ZYG11B: variants seen among roughly 807,000 people sequenced by gnomAD.
The protein encoded by ZYG11B is zyg-11 family member B, cell cycle regulator, also known as protein zyg-11 homolog B.
Under a neutral mutation model 82.4 loss-of-function variants are expected in ZYG11B, and 36 were observed. That is an observed-to-expected ratio of 0.44 (90% CI 0.33 to 0.58). The LOEUF is 0.58. ZYG11B is among the 20% of genes least tolerant of loss of function. The pLI, the probability that ZYG11B is intolerant of heterozygous loss-of-function variation, is 0.02. For missense variants in ZYG11B, 552 were observed against 895.6 expected (o/e 0.62, Z 4.90); for synonymous variants, 303 against 312.8 (o/e 0.97, Z 0.33).
intron 3 of ZYG11B, among the ~76,000 whole-genome samples, chr1:52,777,428 T>A (rs1484957734): frequency 6.6e-6 from 1 of 152,078 alleles, no homozygotes; most frequent in Non-Finnish European, 1.5e-5. Flanking sequence ...AGCTGCATAT[T>A]CCAATCTGAA....
At chr1:52,769,641 CTTGATT>C (rs1644728959) in intron 2 of ZYG11B, among the ~76,000 whole-genome samples, 3 of 152,152 alleles carry the variant, frequency 2.0e-5, no homozygotes, top group African/African-American at 7.2e-5. Context: ...ACAGGCCTTT[CTTGATT>C]TTAACTGTGT....
intron 10 of ZYG11B, among the ~76,000 whole-genome samples, chr1:52,807,491 C>CTTTTTTTTTTTTTT (rs34785263): frequency 7.8e-6 from 1 of 128,946 alleles, no homozygotes; most frequent in African/African-American, 2.9e-5. Context: ...GCTAAGAGTA[C>CTTTTTTTTTTTTTT]TTTTTTTTTT....
intron 1 of ZYG11B, among the ~76,000 whole-genome samples, chr1:52,741,095 C>T (rs1209155564): frequency 1.3e-5 from 2 of 151,258 alleles, no homozygotes; most frequent in Non-Finnish European, 2.9e-5. Context: ...GCCAGGAGTT[C>T]GAGATCAGTC....
chr1:52,733,664 A>AATCG (rs1398314526), intron 1 of ZYG11B, among the ~76,000 whole-genome samples: 1 of 151,990 alleles, frequency 6.6e-6, no homozygotes, highest in Non-Finnish European at 1.5e-5. Flanking sequence ...CTGTAAGATC[A>AATCG]ATCAATCAAT....
intron 2 of ZYG11B, among the ~76,000 whole-genome samples, chr1:52,769,330 A>G (rs1386786885): frequency 6.6e-6 from 1 of 152,244 alleles, no homozygotes; most frequent in Non-Finnish European, 1.5e-5. Flanking sequence ...AAAAATAAAA[A>G]GAAAAACAAG....
chr1:52,779,260 A>T (rs930184137), intron 3 of ZYG11B, among the ~76,000 whole-genome samples: 1 of 152,140 alleles, frequency 6.6e-6, no homozygotes, highest in African/African-American at 2.4e-5. Context: ...TAGGATCCTA[A>T]TCAAGCGGTA....
intron 3 of ZYG11B, among the ~76,000 whole-genome samples, chr1:52,776,132 T>C (rs1558129947): frequency 6.8e-6 from 1 of 146,764 alleles, no homozygotes; most frequent in South Asian, 2.2e-4. Flanking sequence ...GGCAGGAGAA[T>C]TGCTTGAACC....
intron 8 of ZYG11B, among the ~76,000 whole-genome samples, chr1:52,797,741 C>T (rs911718264): frequency 6.6e-6 from 1 of 151,116 alleles, no homozygotes; most frequent in Non-Finnish European, 1.5e-5. Context: ...GATCTCCTGA[C>T]CTTGTGATCC....
Position 52,796,590 on chromosome 1 carries a change from C to T in ZYG11B, c.1435-144C>T, listed in dbSNP as rs768087266. 177 of 830,918 alleles carry T rather than the reference C, an allele frequency of 2.1e-4. 1 individual carries two copies. In the Middle Eastern group the frequency reaches 3.2e-3, roughly 15 times the overall value. 51.5% of individuals were successfully genotyped at this position (830,918 alleles called of 1,614,324 possible). A position where few individuals can be genotyped will look rare whatever the true frequency, so the allele number is the denominator to read the frequency against. ...ATCCCAGCACTTTGGGAGGCCGAGG[C>T]AGGCCTCCCAAAAACCGATATGCAG... On this transcript the variant is annotated intron_variant, in intron 7 of 13. Coordinates refer to ENST00000294353, the MANE Select transcript of ZYG11B (RefSeq NM_024646.3).
In ZYG11B at chr1:52,803,247, CACAT is replaced by C. The variant is rs200876425; in HGVS notation, c.1695+1110_1695+1113del. Among the ~76,000 whole-genome samples, 172 of 54,232 alleles carry C rather than the reference CACAT, an allele frequency of 3.2e-3. 17 individuals are homozygous for C. Among genetic ancestry groups the C allele is most frequent in the African/African-American group, 0.021 (154 of 7,248 alleles). The allele number at this position is 54,232 out of a possible 152,430, so 35.6% of individuals were successfully genotyped here. On this transcript the variant is annotated intron_variant, in intron 10 of 13. Coordinates refer to ENST00000294353, the MANE Select transcript of ZYG11B (RefSeq NM_024646.3). ...ATACACACATATATATATACACACA[CACAT>C]ATATATATATATATACACACACACA...
chr1:52,777,248 G>A (rs1644817920), intron 3 of ZYG11B, among the ~76,000 whole-genome samples: 1 of 151,980 alleles, frequency 6.6e-6, no homozygotes, highest in Non-Finnish European at 1.5e-5. Flanking sequence ...GTAAAGTAAT[G>A]GAAGTAAAGA....
Position 52,813,905 on chromosome 1 carries a change from G to A in ZYG11B, c.1939G>A (p.Ala647Thr). 1 of 1,613,998 alleles carries A rather than the reference G, an allele frequency of 6.2e-7. No individual in the cohort carries two copies. ...KWPTPECEMV[A>T]YRSFNPFFPL... ...GCCAACTCCAGAGTGTGAGATGGTAGCATACAGGTAATTAGTATCATAATT... is the reference window on the plus strand; with the variant it reads ...GCCAACTCCAGAGTGTGAGATGGTAACATACAGGTAATTAGTATCATAATT... Residue 647 changes from alanine (A) to threonine (T), a missense_variant, in exon 12 of 14, where the codon GCA (alanine) becomes ACA (threonine). By Grantham distance (58) the Ala-to-Thr change is moderately conservative (BLOSUM62 0). Around this residue, in one of 3 missense-constraint regions of ZYG11B, gnomAD observed 127 missense variants for 163.4 expected, o/e 0.78. Coordinates refer to ENST00000294353, the MANE Select transcript of ZYG11B (RefSeq NM_024646.3).
At chr1:52,802,279 C>T (rs1645081157) in intron 10 of ZYG11B, 140 bp downstream of exon 10, 1 of 619,022 alleles carries the variant, frequency 1.6e-6, no homozygotes, top group Non-Finnish European at 2.8e-6. Context: ...GAGAACTATT[C>T]CCAATACCTC....
intron 10 of ZYG11B, chr1:52,805,622 A>G: frequency 2.6e-6 from 1 of 384,372 alleles, no homozygotes; most frequent in Admixed American, 3.1e-5. Context: ...ACGTGCGGTC[A>G]GGAGTTCAAG....
At chr1:52,821,206 T>A (rs1645280329) in intron 13 of ZYG11B, among the ~76,000 whole-genome samples, 1 of 152,114 alleles carries the variant, frequency 6.6e-6, no homozygotes, top group African/African-American at 2.4e-5. Flanking sequence ...GTTGTACATG[T>A]CTTGAGGTTA....
intron 4 of ZYG11B, among the ~76,000 whole-genome samples, chr1:52,780,680 G>C (rs181811064): frequency 7.2e-5 from 11 of 152,112 alleles, no homozygotes; most frequent in Admixed American, 1.3e-4. Flanking sequence ...TGCAGTGGCT[G>C]TTCACAGGCC....
intron 5 of ZYG11B, among the ~76,000 whole-genome samples, chr1:52,787,845 T>C (rs1194363130): frequency 6.6e-6 from 1 of 151,632 alleles, no homozygotes; most frequent in Non-Finnish European, 1.5e-5. Context: ...GAAATGCAAA[T>C]ACTGTAAACT....
intron 13 of ZYG11B, 41 bp downstream of exon 13, chr1:52,816,670 G>GTGAAAT: frequency 7.1e-7 from 1 of 1,404,512 alleles, no homozygotes; most frequent in Non-Finnish European, 9.9e-7. Context: ...TTTTCTTTAA[G>GTGAAAT]TGAAATTCTC....
chr1:52,765,481 G>A (rs1558125941), intron 2 of ZYG11B, among the ~76,000 whole-genome samples: 1 of 152,018 alleles, frequency 6.6e-6, no homozygotes, highest in African/African-American at 2.4e-5. Flanking sequence ...ACAGGAATGA[G>A]CCACCACACT....
Sources: gnomAD v4.1 joint callset for allele counts (sites outside exome capture counted in the v4.1 genomes callset) on GRCh38, gnomAD v4.1.1 for gene constraint, gnomAD v4.1.1 regional missense constraint, MANE v1.5 for transcripts, NCBI Gene and HGNC (gene_info 2026-07-23, HGNC 2026-07-21) for gene names.